KLF8: variants seen among roughly 807,000 people sequenced by gnomAD.
KLF8 encodes Krueppel-like factor 8.
KLF8 carries 10 observed loss-of-function variants against 18.2 expected under a neutral mutation model. The ratio of observed to expected loss-of-function variants is 0.55; its 90% CI spans 0.34 to 0.93. KLF8 has a LOEUF of 0.93. KLF8 is among the 40% of genes least tolerant of loss of function. The pLI, the probability that KLF8 is intolerant of heterozygous loss-of-function variation, is 0.02. For missense variants in KLF8, 264 were observed against 277.9 expected (o/e 0.95, Z 0.36); for synonymous variants, 109 against 97.3 (o/e 1.12, Z -0.71).
the KLF8 span, among the ~76,000 whole-genome samples, chrX:56,222,664 G>T: frequency 8.9e-6 from 1 of 112,831 alleles, no homozygotes; most frequent in African/African-American, 3.2e-5. Context: ...GGCGGCGCTC[G>T]TTGGGGAGGC....
chrX:56,243,593 A>G (rs868082933), intron 1 of KLF8, among the ~76,000 whole-genome samples: 2 of 95,324 alleles, frequency 2.1e-5, no homozygotes, highest in Non-Finnish European at 4.1e-5. Flanking sequence ...CTAGAGTGCA[A>G]TGGTGCGACC....
chrX:55,947,037 T>C, the KLF8 span, among the ~76,000 whole-genome samples: 1 of 111,575 alleles, frequency 9.0e-6, no homozygotes, highest in African/African-American at 3.3e-5. Flanking sequence ...ACACTGTTGG[T>C]GGGACTGTAA....
the KLF8 span, among the ~76,000 whole-genome samples, chrX:56,105,504 G>C: frequency 9.2e-4 from 100 of 108,563 alleles, no homozygotes; most frequent in African/African-American, 3.3e-3. Flanking sequence ...TGAAACTGTG[G>C]TTTATCAAAG....
chrX:56,065,609 T>C, the KLF8 span, among the ~76,000 whole-genome samples: 2 of 112,149 alleles, frequency 1.8e-5, no homozygotes, highest in Admixed American at 1.9e-4. Context: ...TGTTGTCTTT[T>C]CTTTGTTATA....
the KLF8 span, among the ~76,000 whole-genome samples, chrX:56,187,868 G>T: frequency 9.0e-6 from 1 of 111,697 alleles, no homozygotes; most frequent in African/African-American, 3.3e-5. Flanking sequence ...TTGACAGGAC[G>T]TATCTCAAAA....
At chrX:56,234,664 C>T (rs887016775) in intron 1 of KLF8, among the ~76,000 whole-genome samples, 3 of 112,474 alleles carry the variant, frequency 2.7e-5, no homozygotes, top group Non-Finnish European at 3.7e-5. Flanking sequence ...GGCTACTAGC[C>T]TGCCTTTTCT....
At chrX:56,188,735 T>C in the KLF8 span, among the ~76,000 whole-genome samples, 4 of 112,007 alleles carry the variant, frequency 3.6e-5, no homozygotes, top group African/African-American at 1.3e-4. Flanking sequence ...AACTATCTGA[T>C]GTTTGACAAT....
the KLF8 span, among the ~76,000 whole-genome samples, chrX:56,020,898 AG>A: frequency 8.9e-6 from 1 of 112,041 alleles, no homozygotes; most frequent in Non-Finnish European, 1.9e-5. Context: ...CACAGAACAC[AG>A]CATGCTCTTC....
the KLF8 span, among the ~76,000 whole-genome samples, chrX:56,136,254 A>G: frequency 9.0e-6 from 1 of 111,455 alleles, no homozygotes; most frequent in Non-Finnish European, 1.9e-5. Flanking sequence ...AAACTACTTT[A>G]AAGTAAGTTC....
the KLF8 span, among the ~76,000 whole-genome samples, chrX:56,069,089 C>T: frequency 8.9e-6 from 1 of 112,092 alleles, no homozygotes; most frequent in Non-Finnish European, 1.9e-5. Flanking sequence ...CTCCTGTTGT[C>T]CCAGGAACCA....
At chrX:56,003,407 AAAATAAATAAATAAAT>A in the KLF8 span, among the ~76,000 whole-genome samples, 6 of 100,278 alleles carry the variant, frequency 6.0e-5, no homozygotes, top group Non-Finnish European at 1.2e-4. Context: ...GAGACTCCGT[AAAATAAATAAATAAAT>A]AAATAAATAA....
the KLF8 span, among the ~76,000 whole-genome samples, chrX:56,207,566 G>A: frequency 6.3e-5 from 7 of 111,590 alleles, no homozygotes; most frequent in Non-Finnish European, 1.1e-4. Context: ...CTTTGCTAAA[G>A]CATAACAAGA....
chrX:56,243,321 T>G, intron 1 of KLF8: 1 of 350,147 alleles, frequency 2.9e-6, no homozygotes, highest in Admixed American at 3.3e-5. Context: ...GTGGACACCT[T>G]TCAACACTGT....
intron 1 of KLF8, among the ~76,000 whole-genome samples, chrX:56,246,173 G>T (rs953706815): frequency 9.0e-6 from 1 of 111,326 alleles, no homozygotes; most frequent in Non-Finnish European, 1.9e-5. Context: ...ATATAGGAGG[G>T]CCAAGAAGTA....
the KLF8 span, among the ~76,000 whole-genome samples, chrX:56,063,880 G>T: frequency 9.1e-6 from 1 of 110,460 alleles, no homozygotes; most frequent in African/African-American, 3.3e-5. Flanking sequence ...AGACAGTATG[G>T]CTATGGCAGC....
the KLF8 span, among the ~76,000 whole-genome samples, chrX:56,041,988 T>G: frequency 8.9e-6 from 1 of 112,155 alleles, no homozygotes; most frequent in Non-Finnish European, 1.9e-5. Flanking sequence ...CACCCAGCCC[T>G]TTCTAGCTTT....
rs1034501140 is a variant in KLF8, at chrX:56,286,592, G to T, written c.*2098G>T. 1 of 112,560 alleles carries T rather than the reference G, an allele frequency of 8.9e-6. No homozygotes were observed. The highest frequency in any genetic ancestry group is 3.2e-5 in the African/African-American group (1 of 30,967). The allele number at this position is 112,560 out of a possible 1,213,427, so 9.3% of individuals were successfully genotyped here. A position where few individuals can be genotyped will look rare whatever the true frequency, so the allele number is the denominator to read the frequency against. On this transcript the variant is annotated 3_prime_UTR_variant, in exon 6 of 6. Transcript: ENST00000468660. ...AAATAGCAAGTAAAATGTACTTGTG[G>T]TCATTGCCGTATAACATTAGGCACA...
chrX:55,969,157 C>T, the KLF8 span, among the ~76,000 whole-genome samples: 1 of 111,923 alleles, frequency 8.9e-6, no homozygotes, highest in Non-Finnish European at 1.9e-5. Flanking sequence ...GATATACATT[C>T]TTCTCCTTAG....
At chrX:55,931,541 G>C in the KLF8 span, among the ~76,000 whole-genome samples, 2 of 111,623 alleles carry the variant, frequency 1.8e-5, no homozygotes, top group Non-Finnish European at 3.8e-5. Flanking sequence ...CACTGCTTTA[G>C]CTGTGTTCCA....
Sources: gnomAD v4.1 joint callset for allele counts (sites outside exome capture counted in the v4.1 genomes callset) on GRCh38, gnomAD v4.1.1 for gene constraint, MANE v1.5 for transcripts, NCBI Gene and HGNC (gene_info 2026-07-23, HGNC 2026-07-21) for gene names.